The following VIT variants were observed in gnomAD, a reference collection of about 807,000 sequenced individuals.
The protein encoded by VIT is vitrin.
A neutral mutation model predicts 78.0 loss-of-function variants in VIT; 99 were observed. The ratio of observed to expected loss-of-function variants is 1.27; its 90% CI spans 1.08 to 1.50. The LOEUF (loss-of-function observed/expected upper bound fraction) is 1.50, where lower values mean the gene tolerates loss of function less well. Among genes scored for constraint, VIT ranks in the 40% most tolerant of loss-of-function variants. The pLI, the probability that VIT is intolerant of heterozygous loss-of-function variation, is 0.00. For missense variants in VIT, 1,126 were observed against 875.3 expected (o/e 1.29, Z -3.61); for synonymous variants, 374 against 334.3 (o/e 1.12, Z -1.29).
chr2:36,735,177 AAAAAAAG>A (rs1202504368), intron 3 of VIT, among the ~76,000 whole-genome samples: 2 of 152,126 alleles, frequency 1.3e-5, no homozygotes, highest in African/African-American at 2.4e-5. Flanking sequence ...AAAGAAAAAG[AAAAAAAG>A]AAAAAAGAAA....
At chr2:36,811,886 G>A (rs1667199998) in intron 15 of VIT, among the ~76,000 whole-genome samples, 1 of 152,044 alleles carries the variant, frequency 6.6e-6, no homozygotes, top group African/African-American at 2.4e-5. Flanking sequence ...ATGTTGGCTA[G>A]GCTGGTCTTG....
intron 9 of VIT, among the ~76,000 whole-genome samples, chr2:36,775,765 T>C (rs115817618): frequency 1.2e-3 from 185 of 152,134 alleles, no homozygotes; most frequent in African/African-American, 3.9e-3. Context: ...GAGTCTCCCA[T>C]GAACTCTCAG....
intron 4 of VIT, among the ~76,000 whole-genome samples, chr2:36,753,844 A>G (rs1431410001): frequency 2.0e-5 from 3 of 152,178 alleles, no homozygotes; most frequent in African/African-American, 4.8e-5. Flanking sequence ...TGAACTCTTG[A>G]GAGGTAGATG....
intron 6 of VIT, among the ~76,000 whole-genome samples, chr2:36,762,611 G>T (rs571609952): frequency 6.6e-6 from 1 of 152,222 alleles, no homozygotes; most frequent in East Asian, 1.9e-4. Flanking sequence ...TACAATTAAA[G>T]GAGTGGTCCC....
intron 1 of VIT, among the ~76,000 whole-genome samples, chr2:36,709,078 A>G (rs1665636344): frequency 6.6e-6 from 1 of 152,186 alleles, no homozygotes; most frequent in Admixed American, 6.5e-5. Flanking sequence ...TGAACCCGAG[A>G]GGTGGAGGCT....
rs1463423178 is a variant in VIT at position 36,773,653 on chromosome 2, C to T, written c.680-138C>T. 15 of 613,864 alleles carry T rather than the reference C, an allele frequency of 2.4e-5. No homozygotes were observed. In the East Asian group the frequency reaches 4.2e-4, roughly 17 times the overall value. The allele number at this position is 613,864 out of a possible 1,614,324, so 38.0% of individuals were successfully genotyped here. ...GGCTGAGGTGGGAGAATCGCTTGAA[C>T]CCGGAGGTTGCAGTGAGCTGAGATC... On this transcript the variant is annotated intron_variant, in intron 7 of 15. Coordinates refer to ENST00000379242, the MANE Select transcript of VIT (RefSeq NM_053276.4).
At chr2:36,775,457 G>A (rs1362396071) in intron 9 of VIT, among the ~76,000 whole-genome samples, 7 of 152,170 alleles carry the variant, frequency 4.6e-5, no homozygotes, top group African/African-American at 7.2e-5. Context: ...TTGGCAAGGA[G>A]GCACATAACC....
rs752176837 is a variant in VIT, at chr2:36,805,561, C to G, written c.1286C>G (p.Ser429Ter). ...GWPTDKVEEA[S>*]RLARESGINI... Reference sequence around the variant, plus strand: ...CCCACGGACAAAGTGGAGGAGGCTTCAAGACTTGCGAGAGAGTCAGGAATC... The same window carrying G: ...CCCACGGACAAAGTGGAGGAGGCTTGAAGACTTGCGAGAGAGTCAGGAATC... The change falls in exon 14 of 16, where the codon TCA (serine) becomes TGA (stop). Residue 429 changes from serine to a stop codon, truncating the protein, a stop_gained. Transcript: ENST00000379242. LOFTEE classifies it high-confidence loss of function. 9.3e-6 allele frequency: 15 copies of G among 1,613,948 alleles called. No homozygotes were observed. The highest frequency in any genetic ancestry group is 1.2e-5 in the Non-Finnish European group (14 of 1,180,030).
chr2:36,762,527 A>T (rs1221566900), intron 6 of VIT, among the ~76,000 whole-genome samples: 1 of 152,206 alleles, frequency 6.6e-6, no homozygotes, highest in African/African-American at 2.4e-5. Flanking sequence ...GTAAAGTCTT[A>T]GTCCCCAAGT....
intron 5 of VIT, among the ~76,000 whole-genome samples, chr2:36,756,953 A>G (rs571985788): frequency 1.2e-4 from 18 of 152,208 alleles, no homozygotes; most frequent in Non-Finnish European, 2.1e-4. Flanking sequence ...CAATCTGCTG[A>G]TATTATTCCC....
rs757050030 is a variant in VIT, at chr2:36,808,968, T to A, written c.1886T>A (p.Met629Lys). ...RSYDDVRIPA[M>K]AAHLKGVITY... ...TACGACGACGTCCGGATCCCAGCCA[T>A]GGCTGCCCATCTGAAGGGTAAGCTG... Residue 629 changes from methionine (M) to lysine (K), a missense_variant, in exon 15 of 16, where the codon ATG (methionine) becomes AAG (lysine). Transcript: ENST00000379242. 30 of 1,590,232 alleles carry A rather than the reference T, an allele frequency of 1.9e-5. No individual in the cohort carries two copies. The highest frequency in any genetic ancestry group is 2.5e-5 in the Non-Finnish European group (29 of 1,165,452).
intron 5 of VIT, among the ~76,000 whole-genome samples, chr2:36,755,709 T>G (rs535316272): frequency 6.6e-6 from 1 of 152,320 alleles, no homozygotes; most frequent in African/African-American, 2.4e-5. Flanking sequence ...AAAATTATAA[T>G]TTTTTCTAAT....
At chr2:36,812,197 A>G (rs772978310) in intron 15 of VIT, among the ~76,000 whole-genome samples, 9 of 152,110 alleles carry the variant, frequency 5.9e-5, no homozygotes, top group Non-Finnish European at 1.3e-4. Context: ...GGCAGCTTAA[A>G]TGCAATTTAA....
At chr2:36,723,932 G>T (rs1666668942) in intron 2 of VIT, among the ~76,000 whole-genome samples, 1 of 116,912 alleles carries the variant, frequency 8.6e-6, no homozygotes, top group South Asian at 3.1e-4. Context: ...GCCTGGGCAA[G>T]ATAAGAAAAG....
chr2:36,740,602 T>G (rs1396535053), intron 3 of VIT, among the ~76,000 whole-genome samples: 2 of 152,210 alleles, frequency 1.3e-5, no homozygotes, highest in Non-Finnish European at 2.9e-5. Context: ...TGATTTCATT[T>G]TTTTCCCCCG....
chr2:36,729,625 T>C, intron 3 of VIT, 134 bp downstream of exon 3: 1 of 878,924 alleles, frequency 1.1e-6, no homozygotes, highest in Non-Finnish European at 1.7e-6. Flanking sequence ...CTCAGATTAA[T>C]TAGTGATAAG....
At chr2:36,795,161 C>T (rs192801126) in intron 12 of VIT, among the ~76,000 whole-genome samples, 26 of 152,268 alleles carry the variant, frequency 1.7e-4, no homozygotes, top group Middle Eastern at 3.4e-3. Flanking sequence ...TCCTCATGAT[C>T]TCTGGATTCT....
chr2:36,711,580 A>G (rs1240117953), intron 1 of VIT, among the ~76,000 whole-genome samples: 1 of 152,202 alleles, frequency 6.6e-6, no homozygotes, highest in African/African-American at 2.4e-5. Flanking sequence ...ATCCTGCACA[A>G]GTGTACTGTG....
intron 12 of VIT, among the ~76,000 whole-genome samples, chr2:36,794,702 T>C (rs781745960): frequency 6.6e-6 from 1 of 152,220 alleles, no homozygotes; most frequent in African/African-American, 2.4e-5. Flanking sequence ...ATGAGTTCCA[T>C]GCCTTTGCCC....
Sources: gnomAD v4.1 joint callset for allele counts (sites outside exome capture counted in the v4.1 genomes callset) on GRCh38, gnomAD v4.1.1 for gene constraint, MANE v1.5 for transcripts, NCBI Gene and HGNC (gene_info 2026-07-23, HGNC 2026-07-21) for gene names.